The following ANKLE1 variants were observed in gnomAD, a reference collection of about 807,000 sequenced individuals.
The protein encoded by ANKLE1 is structure-specific endonuclease ANKLE1.
ANKLE1 carries 59 observed loss-of-function variants against 56.2 expected under a neutral mutation model. The observed-to-expected ratio is 1.05, with a 90% CI of 0.85 to 1.30. ANKLE1 has a LOEUF of 1.30. Ranked by LOEUF, ANKLE1 falls within the 50% of genes most tolerant of loss-of-function variation. ANKLE1 has a pLI of 0.00. For missense variants in ANKLE1, 771 were observed against 816.1 expected (o/e 0.94, Z 0.67); for synonymous variants, 341 against 352.9 (o/e 0.97, Z 0.38).
At position 17,283,217 on chromosome 19, in the gene ANKLE1, A is replaced by T. The variant is rs1167594650; in HGVS notation, c.461-8A>T. On this transcript the variant is annotated splice_polypyrimidine_tract_variant and splice_region_variant and intron_variant, in intron 4 of 8. Transcript: ENST00000404085. ...CCTCTCCTCTCTGGCCCCCACTCTC[A>T]CCTGCAGCCCCAGGCCTCTCTGGAC... The T allele has an allele frequency of 6.3e-7, 1 of 1,598,098 alleles. No homozygotes were observed. The highest frequency in any genetic ancestry group is 1.7e-5 in the Admixed American group (1 of 58,310).
Position 17,286,576 on chromosome 19 carries a change from C to A in ANKLE1, c.*24C>A. Reference sequence around the variant, plus strand: ...GAGTGCTGGGGAGTTGGCCATCCAGCCTGGGGAGAAATGTTTGAATGTTCC... The same window carrying A: ...GAGTGCTGGGGAGTTGGCCATCCAGACTGGGGAGAAATGTTTGAATGTTCC... On this transcript the variant is annotated 3_prime_UTR_variant, in exon 9 of 9. Coordinates refer to ENST00000404085, the MANE Select transcript of ANKLE1 (RefSeq NM_152363.6). 1 of 1,584,828 alleles carries A rather than the reference C, an allele frequency of 6.3e-7. No individual in the cohort carries two copies. The highest frequency in any genetic ancestry group is 2.3e-5 in the East Asian group (1 of 43,136).
chr19:17,282,176 C>T lies in ANKLE1; in HGVS notation c.182C>T (p.Ala61Val). The change falls in exon 2 of 9, where the codon GCC becomes GTC. Residue 61 changes from alanine (A) to valine (V), a missense_variant. Transcript: ENST00000404085. ...CCGCGCGGCCTGCGTTGCCTCGGGG[C>T]CCTACTGCGCCAAGGCGGGGACCCC... Reference protein sequence around the residue: ...RHPRGLRCLGALLRQGGDPNA... With the variant: ...RHPRGLRCLGVLLRQGGDPNA... 1 of 1,527,572 alleles carries T rather than the reference C, an allele frequency of 6.5e-7. No individual in the cohort carries two copies. Among genetic ancestry groups the T allele is most frequent in the South Asian group, 1.2e-5 (1 of 82,352 alleles). The allele number at this position is 1,527,572 out of a possible 1,614,324, so 94.6% of individuals were successfully genotyped here. A position where few individuals can be genotyped will look rare whatever the true frequency, so the allele number is the denominator to read the frequency against.
At position 17,283,393 on chromosome 19, in the gene ANKLE1, C is replaced by T; in HGVS notation, c.629C>T (p.Pro210Leu). ...VDKHGSSASP[P>L]GHWDYSSDAS... ...AAACATGGGAGCTCGGCGTCCCCTC[C>T]AGGGCACTGGGATTACAGCTCAGAC... Residue 210 changes from proline to leucine, a missense_variant, in exon 5 of 9, where the codon CCA becomes CTA. Coordinates refer to ENST00000404085, the MANE Select transcript of ANKLE1 (RefSeq NM_152363.6). 6.2e-7 allele frequency: 1 copy of T among 1,613,738 alleles called. No homozygotes were observed. Among genetic ancestry groups the T allele is most frequent in the Non-Finnish European group, 8.5e-7 (1 of 1,179,884 alleles).
At position 17,286,424 on chromosome 19, in the gene ANKLE1, G is replaced by T; in HGVS notation, c.1720G>T (p.Val574Leu). ...TNQKQGHCYGVVAGWPPARRR... is the reference protein window; with the variant it reads ...TNQKQGHCYGLVAGWPPARRR... ...CCAGAAGCAAGGGCACTGCTATGGA[G>T]TGGTGGCAGGCTGGCCACCTGCTCG... Residue 574 changes from valine (V) to leucine (L), a missense_variant, in exon 9 of 9, where the codon GTG (valine) becomes TTG (leucine). By Grantham distance (32) the Val-to-Leu change is conservative. Transcript: ENST00000404085. 6.2e-7 allele frequency: 1 copy of T among 1,609,572 alleles called. No homozygotes were observed. Among genetic ancestry groups the T allele is most frequent in the Non-Finnish European group, 8.5e-7 (1 of 1,177,960 alleles).
At position 17,283,698 on chromosome 19, in the gene ANKLE1, C is replaced by G. The variant is rs546961772; in HGVS notation, c.934C>G (p.Pro312Ala). The change falls in exon 5 of 9, where the codon CCT (proline) becomes GCT (alanine). Residue 312 changes from proline to alanine, a missense_variant. Pro to Ala is a conservative substitution (Grantham distance 27). Coordinates refer to ENST00000404085, the MANE Select transcript of ANKLE1 (RefSeq NM_152363.6). ...TCATAGCCCCCCACGGACACCAACC[C>G]CTGGAGCTTCTGACTGCCACTGCCT... ...PAHSPPRTPTPGASDCHCLWE... is the reference protein window; with the variant it reads ...PAHSPPRTPTAGASDCHCLWE... The G allele has an allele frequency of 2.1e-4, 343 of 1,613,654 alleles. No individual in the cohort carries two copies. Among genetic ancestry groups the G allele is most frequent in the Admixed American group, 8.3e-4 (50 of 60,020 alleles).
At position 17,283,324 on chromosome 19, in the gene ANKLE1, AC is replaced by A; in HGVS notation, c.563del (p.Pro188GlnfsTer84). The A allele has an allele frequency of 6.2e-7, 1 of 1,613,366 alleles. No homozygotes were observed. The highest frequency in any genetic ancestry group is 8.5e-7 in the Non-Finnish European group (1 of 1,179,884). ...GDNRDIGLEA[D>X]PGPPSLPVPL... is the part of the protein sequence containing the mutation. The stretch of plus-strand genomic sequence containing the variant: ...AACAGGGACATTGGCTTGGAGGCTG[AC>A]CCAGGACCCCCCAGCCTCCCTGTTC... On this transcript the variant is annotated frameshift_variant, in exon 5 of 9. Transcript: ENST00000404085. LOFTEE classifies it high-confidence loss of function.
chr19:17,282,288 CG>C, intron 2 of ANKLE1, 79 bp downstream of exon 2: 1 of 1,278,882 alleles, frequency 7.8e-7, no homozygotes, highest in Non-Finnish European at 9.7e-7. Flanking sequence ...CCCATCATCC[CG>C]GGCCAGGCCT....
In ANKLE1 at chr19:17,283,554, T is replaced by C; in HGVS notation, c.790T>C (p.Ser264Pro). The change falls in exon 5 of 9, where the codon TCT becomes CCT. Residue 264 changes from serine to proline, a missense_variant. Transcript: ENST00000404085. ...CCATGCCAACCAGAGGGTACCTAGG[T>C]CTCAGGGCACGGAGGCAGAACTGAA... ...VVHANQRVPR[S>P]QGTEAELNAR... is the part of the protein sequence containing the mutation. 6.2e-7 allele frequency: 1 copy of C among 1,612,788 alleles called. No homozygotes were observed.
chr19:17,283,813 T>C lies in ANKLE1; in HGVS notation c.1049T>C (p.Val350Ala). ...AGCTCTACAGGTGGCAGGGAACCTG[T>C]CGGCCCTTGCCGGCACCTGCCAGTC... is the stretch of plus-strand genomic sequence containing the variant. ...EASSTGGREP[V>A]GPCRHLPVST... The change falls in exon 5 of 9, where the codon GTC becomes GCC. Residue 350 changes from valine (V) to alanine (A), a missense_variant. Physicochemically the swap from Val to Ala is moderately conservative, Grantham distance 64. Transcript: ENST00000404085. The C allele has an allele frequency of 6.2e-7, 1 of 1,613,350 alleles. No individual in the cohort carries two copies. The highest frequency in any genetic ancestry group is 8.5e-7 in the Non-Finnish European group (1 of 1,179,900).
At chr19:17,282,464 C>G (rs2073983469) in intron 2 of ANKLE1, 192 bp from the exon 3 acceptor site, 1 of 804,876 alleles carries the variant, frequency 1.2e-6, no homozygotes, top group Non-Finnish European at 2.0e-6. Context: ...GGAGTGGAGG[C>G]ACCAGGGTCA....
At position 17,282,686 on chromosome 19, in the gene ANKLE1, GGCCGCCGCGTGGGGCTGCC is replaced by G; in HGVS notation, c.252_270del (p.Gly87SerfsTer4). On this transcript the variant is annotated frameshift_variant, in exon 3 of 9. Coordinates refer to ENST00000404085, the MANE Select transcript of ANKLE1 (RefSeq NM_152363.6). LOFTEE classifies it high-confidence loss of function. ...TCGAGGCACTGACGCCGCTGCATGT[GGCCGCCGCGTGGGGCTGCC>G]GCCGCGGCCTGGAGCTGCTGCTGAG... 1 of 1,535,342 alleles carries G rather than the reference GGCCGCCGCGTGGGGCTGCC, an allele frequency of 6.5e-7. No individual in the cohort carries two copies. Among genetic ancestry groups the G allele is most frequent in the Non-Finnish European group, 8.7e-7 (1 of 1,146,938 alleles).
Position 17,282,845 on chromosome 19 carries a change from G to A in ANKLE1, c.322-19G>A, listed in dbSNP as rs2073988586. On this transcript the variant is annotated intron_variant, in intron 3 of 8. Coordinates refer to ENST00000404085, the MANE Select transcript of ANKLE1 (RefSeq NM_152363.6). Reference sequence around the variant, plus strand: ...GGTAAGAGGGCCTCGGGCGCCCCCTGCTGACCGCGCCCCTGTAGGACGGAC... The same window carrying A: ...GGTAAGAGGGCCTCGGGCGCCCCCTACTGACCGCGCCCCTGTAGGACGGAC... 2 of 1,586,340 alleles carry A rather than the reference G, an allele frequency of 1.3e-6. No individual in the cohort carries two copies. The highest frequency in any genetic ancestry group is 4.5e-5 in the East Asian group (2 of 44,182).
rs918975809 is a variant in ANKLE1, at chr19:17,282,638, C to A, written c.216-18C>A. ...GGAGGCTGAGTCCGCAATGACCCCT[C>A]TTGCGCTGCCGCCCCAGATCTGTCG... On this transcript the variant is annotated intron_variant, in intron 2 of 8. Coordinates refer to ENST00000404085, the MANE Select transcript of ANKLE1 (RefSeq NM_152363.6). 1.3e-6 allele frequency: 2 copies of A among 1,532,922 alleles called. No individual in the cohort carries two copies. The highest frequency in any genetic ancestry group is 1.7e-6 in the Non-Finnish European group (2 of 1,145,722). The allele number at this position is 1,532,922 out of a possible 1,614,324, so 95.0% of individuals were successfully genotyped here.
At chr19:17,282,247 A>C (rs1333592845) in intron 2 of ANKLE1, 38 bp downstream of exon 2, 2 of 1,447,430 alleles carry the variant, frequency 1.4e-6, no homozygotes, top group African/African-American at 2.9e-5. Flanking sequence ...GGTCTCCCCA[A>C]GCCGAAGTCT....
chr19:17,286,372 T>C lies in ANKLE1; in HGVS notation c.1676-8T>C. On this transcript the variant is annotated splice_region_variant and splice_polypyrimidine_tract_variant and intron_variant, in intron 8 of 8. Coordinates refer to ENST00000404085, the MANE Select transcript of ANKLE1 (RefSeq NM_152363.6). ...CTGCCCCTGTGACCCCACATCCAAT[T>C]TCTCCAGGGATCCAGACGCTCACCA... The C allele has an allele frequency of 6.5e-7, 1 of 1,543,352 alleles. No homozygotes were observed. Among genetic ancestry groups the C allele is most frequent in the South Asian group, 1.2e-5 (1 of 80,780 alleles).
In ANKLE1 at chr19:17,286,777, G is replaced by C. The variant is rs2074039936; in HGVS notation, c.*225G>C. On this transcript the variant is annotated 3_prime_UTR_variant, in exon 9 of 9. Coordinates refer to ENST00000404085, the MANE Select transcript of ANKLE1 (RefSeq NM_152363.6). ...GACTTTGTTACAGATGGTACTGCTGGAGAGGTAGTAAGTAGTGAGCTCCCC... is the reference window on the plus strand; with the variant it reads ...GACTTTGTTACAGATGGTACTGCTGCAGAGGTAGTAAGTAGTGAGCTCCCC... 1 of 1,407,520 alleles carries C rather than the reference G, an allele frequency of 7.1e-7. No homozygotes were observed. The highest frequency in any genetic ancestry group is 9.3e-7 in the Non-Finnish European group (1 of 1,076,448). The allele number at this position is 1,407,520 out of a possible 1,614,324, so 87.2% of individuals were successfully genotyped here.
Position 17,283,470 on chromosome 19 carries a change from G to A in ANKLE1, c.706G>A (p.Asp236Asn). The stretch of plus-strand genomic sequence containing the variant: ...CTCTGGAGCTGAGGACCCAGCCTCG[G>A]ACACTCCCCCCTGGGCTGGGTCATT... ...EVSGAEDPASDTPPWAGSLPP... is the reference protein window; with the variant it reads ...EVSGAEDPASNTPPWAGSLPP... Residue 236 changes from aspartate to asparagine, a missense_variant, in exon 5 of 9, where the codon GAC becomes AAC. Physicochemically the swap from Asp to Asn is conservative, Grantham distance 23. Coordinates refer to ENST00000404085, the MANE Select transcript of ANKLE1 (RefSeq NM_152363.6). The A allele has an allele frequency of 3.1e-6, 5 of 1,613,028 alleles. 1 individual carries two copies. In the South Asian group the frequency reaches 5.5e-5, roughly 18 times the overall value.
chr19:17,282,286 C>T lies in ANKLE1; in HGVS notation c.215+77C>T. 3.1e-6 allele frequency: 4 copies of T among 1,288,090 alleles called. No individual in the cohort carries two copies. In the South Asian group the frequency reaches 6.2e-5, roughly 20 times the overall value. The allele number at this position is 1,288,090 out of a possible 1,614,324, so 79.8% of individuals were successfully genotyped here. On this transcript the variant is annotated intron_variant, in intron 2 of 8. Transcript: ENST00000404085. ...AATCCGGGAAGGGGCGCCCCATCAT[C>T]CCGGGCCAGGCCTCGGGGCTCGAGG...
Position 17,282,090 on chromosome 19 carries a change from C to T in ANKLE1, c.96C>T (p.Asp32=), listed in dbSNP as rs917802803. 1 of 1,540,888 alleles carries T rather than the reference C, an allele frequency of 6.5e-7. No homozygotes were observed. The highest frequency in any genetic ancestry group is 2.0e-5 in the Admixed American group (1 of 50,976). The part of the protein sequence containing the change: ...AVEELLRCGA[D]PNLVLEDGAA... ...AGGAGCTGCTGCGCTGCGGCGCGGA[C>T]CCTAATTTGGTGCTAGAGGACGGCG... Residue 32 remains aspartate (D), a synonymous_variant, in exon 2 of 9, where the codon GAC becomes GAT. Coordinates refer to ENST00000404085, the MANE Select transcript of ANKLE1 (RefSeq NM_152363.6).
Sources: allele counts gnomAD v4.1 joint callset, GRCh38; gene constraint gnomAD v4.1.1; transcripts MANE v1.5; gene names NCBI Gene and HGNC (gene_info 2026-07-23, HGNC 2026-07-21).